The following ZNF536 variants were observed in gnomAD, a reference collection of about 807,000 sequenced individuals.
The protein encoded by ZNF536 is zinc finger protein 536.
A neutral mutation model predicts 84.5 loss-of-function variants in ZNF536; 13 were observed. The ratio of observed to expected loss-of-function variants is 0.15; its 90% CI spans 0.10 to 0.24. The LOEUF (loss-of-function observed/expected upper bound fraction) is 0.24, where lower values mean the gene tolerates loss of function less well. Ranked by LOEUF, ZNF536 falls within the 10% of genes least tolerant of loss-of-function variation. ZNF536 has a pLI of 1.00. For synonymous variants in ZNF536, 811 were observed against 742.5 expected, an observed-to-expected ratio of 1.09 and a Z score of -1.50; for missense variants, 1,536 against 1,747.5, an observed-to-expected ratio of 0.88 and a Z score of 2.16.
chr19:30,490,337 A>G (rs1003691556), intron 2 of ZNF536, among the ~76,000 whole-genome samples: 3 of 152,354 alleles, frequency 2.0e-5, no homozygotes, highest in South Asian at 2.1e-4. Context: ...TGAAAGAGTC[A>G]TACATATTCA....
chr19:30,238,400 A>G (rs975790998), intron 1 of ZNF536, among the ~76,000 whole-genome samples: 3 of 151,190 alleles, frequency 2.0e-5, no homozygotes, highest in Admixed American at 1.3e-4. Flanking sequence ...TCTCACTCCA[A>G]TCCATCAAAT....
intron 1 of ZNF536, among the ~76,000 whole-genome samples, chr19:30,389,436 G>A (rs1448613755): frequency 4.6e-5 from 7 of 151,974 alleles, no homozygotes; most frequent in Non-Finnish European, 8.8e-5. Flanking sequence ...TTCCCTTTTT[G>A]CTCAAGATAC....
chr19:30,281,126 T>C (rs1247422806), intron 1 of ZNF536, among the ~76,000 whole-genome samples: 1 of 152,082 alleles, frequency 6.6e-6, no homozygotes, highest in Non-Finnish European at 1.5e-5. Flanking sequence ...CACTTCCCCT[T>C]TGAAGTCCCT....
intron 2 of ZNF536, among the ~76,000 whole-genome samples, chr19:30,326,738 TG>T (rs1232666650): frequency 7.1e-6 from 1 of 140,006 alleles, no homozygotes; most frequent in Non-Finnish European, 1.5e-5. Context: ...CAAATGGCCC[TG>T]GAAAGACACG....
chr19:30,305,754 G>A (rs1164422271), intron 2 of ZNF536, among the ~76,000 whole-genome samples: 1 of 152,208 alleles, frequency 6.6e-6, no homozygotes, highest in African/African-American at 2.4e-5. Flanking sequence ...GGCAGAATTG[G>A]GTGGGGGACC....
intron 1 of ZNF536, among the ~76,000 whole-genome samples, chr19:30,637,936 C>G (rs1033110778): frequency 1.2e-4 from 18 of 152,282 alleles, no homozygotes; most frequent in African/African-American, 4.1e-4. Context: ...TAGATTGCCT[C>G]TGTACTTTGT....
intron 2 of ZNF536, among the ~76,000 whole-genome samples, chr19:30,321,851 C>T (rs2046869778): frequency 1.3e-5 from 2 of 150,544 alleles, no homozygotes; most frequent in South Asian, 4.2e-4. Context: ...AATCTCAGCT[C>T]ACAGCAACCT....
At chr19:30,538,012 A>G (rs1054788212) in intron 3 of ZNF536, among the ~76,000 whole-genome samples, 19 of 152,238 alleles carry the variant, frequency 1.2e-4, no homozygotes, top group African/African-American at 4.6e-4. Flanking sequence ...TACATGTTAT[A>G]AATCACCCAA....
intron 2 of ZNF536, among the ~76,000 whole-genome samples, chr19:30,457,676 T>G (rs1193119812): frequency 3.9e-5 from 6 of 152,176 alleles, no homozygotes; most frequent in Admixed American, 3.9e-4. Context: ...GGCTCATGAA[T>G]GGAGGAAGAC....
intron 1 of ZNF536, among the ~76,000 whole-genome samples, chr19:30,650,129 A>G (rs2049641791): frequency 6.6e-6 from 1 of 152,224 alleles, no homozygotes; most frequent in African/African-American, 2.4e-5. Context: ...GTCAAAAATT[A>G]TCTCATAGCA....
intron 1 of ZNF536, among the ~76,000 whole-genome samples, chr19:30,232,511 C>T (rs1453658459): frequency 6.6e-6 from 1 of 152,080 alleles, no homozygotes; most frequent in Non-Finnish European, 1.5e-5. Flanking sequence ...TTAGCTTCCA[C>T]TTATACATGA....
chr19:30,686,703 G>A (rs2051199928), intron 1 of ZNF536, among the ~76,000 whole-genome samples: 1 of 152,058 alleles, frequency 6.6e-6, no homozygotes, highest in Non-Finnish European at 1.5e-5. Context: ...CGTCAGCATT[G>A]AGCTCCTCTG....
intron 2 of ZNF536, among the ~76,000 whole-genome samples, chr19:30,452,671 C>G (rs754183907): frequency 1.3e-5 from 2 of 152,130 alleles, no homozygotes; most frequent in African/African-American, 2.4e-5. Context: ...CTCCTTTACC[C>G]GTAGAGCTGT....
chr19:30,324,417 C>A (rs551669038), intron 2 of ZNF536, among the ~76,000 whole-genome samples: 1 of 152,198 alleles, frequency 6.6e-6, no homozygotes, highest in Non-Finnish European at 1.5e-5. Flanking sequence ...GGATCTCGCT[C>A]TGTTGCCCAG....
At chr19:30,326,384 CAG>C (rs2047024703) in intron 2 of ZNF536, among the ~76,000 whole-genome samples, 1 of 152,208 alleles carries the variant, frequency 6.6e-6, no homozygotes, top group Non-Finnish European at 1.5e-5. Context: ...GTGCGGGAGA[CAG>C]GGTGCTAATT....
chr19:30,624,697 G>T (rs1438953412), intron 1 of ZNF536, among the ~76,000 whole-genome samples: 6 of 152,100 alleles, frequency 3.9e-5, no homozygotes, highest in Admixed American at 2.6e-4. Context: ...CAGCCATCAG[G>T]GTGTGTCCTT....
upstream of ZNF536, among the ~76,000 whole-genome samples, chr19:30,226,999 G>A (rs1438266737): frequency 6.8e-6 from 1 of 146,124 alleles, no homozygotes; most frequent in Non-Finnish European, 1.5e-5. The surrounding 1 kb of genome is among the most constrained non-coding windows in gnomAD (Gnocchi z 4.6). Context: ...AAAAAAAAAA[G>A]TTAGGGTTGG....
At chr19:30,382,340 C>T (rs887311068) in intron 1 of ZNF536, among the ~76,000 whole-genome samples, 4 of 152,218 alleles carry the variant, frequency 2.6e-5, no homozygotes, top group Admixed American at 1.3e-4. Flanking sequence ...TCGGCAACTG[C>T]ATGGTCTATC....
At chr19:30,355,342 G>GGT (rs1418708245) in intron 3 of ZNF536, among the ~76,000 whole-genome samples, 1 of 152,044 alleles carries the variant, frequency 6.6e-6, no homozygotes, top group Non-Finnish European at 1.5e-5. Flanking sequence ...ATCACCAATG[G>GGT]GATGGTGTTA....
Sources: allele counts gnomAD v4.1 joint callset (sites outside exome capture counted in the v4.1 genomes callset), GRCh38; gene constraint gnomAD v4.1.1; non-coding constraint Gnocchi (gnomAD v3.1); transcripts MANE v1.5; gene names NCBI Gene and HGNC (gene_info 2026-07-23, HGNC 2026-07-21).